CYB5R4: variants seen among roughly 807,000 people sequenced by gnomAD.
CYB5R4 encodes the protein cytochrome b5 reductase 4, also known as N-terminal cytochrome b5 and cytochrome b5 oxidoreductase domain-containing protein.
Under a neutral mutation model 70.2 loss-of-function variants are expected in CYB5R4, and 55 were observed. That is an observed-to-expected ratio of 0.78 (90% CI 0.63 to 0.98). The LOEUF is 0.98. CYB5R4 is among the 50% of genes least tolerant of loss of function. The probability of loss-of-function intolerance (pLI) is 0.00; values close to 1 mark genes in which losing one functional copy is unlikely to be tolerated. For missense variants in CYB5R4, 562 were observed against 612.6 expected (o/e 0.92, Z 0.87); for synonymous variants, 197 against 199.5 (o/e 0.99, Z 0.11).
chr6:83,936,147 A>C, intron 11 of CYB5R4, 77 bp from the exon 12 acceptor site: 1 of 1,097,382 alleles, frequency 9.1e-7, no homozygotes, highest in Non-Finnish European at 1.3e-6. Flanking sequence ...GATAGTGTCA[A>C]AATTTGGATG....
At chr6:83,864,407 G>A (rs1458467843) in intron 2 of CYB5R4, 79 bp downstream of exon 2, 3 of 1,292,286 alleles carry the variant, frequency 2.3e-6, no homozygotes, top group Non-Finnish European at 3.2e-6. Context: ...TCACAGTCAT[G>A]TTATTTTAAA....
At chr6:83,934,353 ACACT>A (rs774389674) in intron 10 of CYB5R4, among the ~76,000 whole-genome samples, 2 of 152,192 alleles carry the variant, frequency 1.3e-5, no homozygotes, top group East Asian at 1.9e-4. Flanking sequence ...TGAGGAAATA[ACACT>A]CATTAAGTTC....
intron 2 of CYB5R4, among the ~76,000 whole-genome samples, chr6:83,890,493 C>G (rs1488231968): frequency 6.6e-6 from 1 of 152,108 alleles, no homozygotes; most frequent in Admixed American, 6.6e-5. Flanking sequence ...GAGATGGAAT[C>G]TACTCTTGGT....
chr6:83,945,594 A>G (rs2099470451), intron 14 of CYB5R4, among the ~76,000 whole-genome samples: 2 of 152,218 alleles, frequency 1.3e-5, no homozygotes, highest in Non-Finnish European at 2.9e-5. Flanking sequence ...AAGGAGATAG[A>G]GACATGAAAA....
chr6:83,885,635 G>C (rs1219482730), intron 2 of CYB5R4, among the ~76,000 whole-genome samples: 1 of 152,114 alleles, frequency 6.6e-6, no homozygotes, highest in Non-Finnish European at 1.5e-5. Flanking sequence ...CTATCATATA[G>C]AGCTGGGTGT....
chr6:83,864,844 A>G (rs549190472), intron 2 of CYB5R4, among the ~76,000 whole-genome samples: 1 of 152,124 alleles, frequency 6.6e-6, no homozygotes, highest in Admixed American at 6.6e-5. Flanking sequence ...TGCATTAGAA[A>G]CTCCAAATTA....
chr6:83,876,704 G>T, intron 2 of CYB5R4, among the ~76,000 whole-genome samples: 1 of 151,400 alleles, frequency 6.6e-6, no homozygotes, highest in African/African-American at 2.4e-5. Flanking sequence ...TACTATTTTT[G>T]CTTTATACAG....
At chr6:83,917,621 A>T (rs918708834) in intron 5 of CYB5R4, among the ~76,000 whole-genome samples, 10 of 152,164 alleles carry the variant, frequency 6.6e-5, no homozygotes, top group Admixed American at 2.6e-4. Flanking sequence ...ATTATTTATC[A>T]TGCTTATTTC....
Position 83,859,744 on chromosome 6 carries a change from C to T in CYB5R4, c.-39C>T, listed in dbSNP as rs201598074. 3.3e-3 allele frequency: 5,253 copies of T among 1,605,240 alleles called. 12 individuals carry two copies. Among genetic ancestry groups the T allele is most frequent in the Non-Finnish European group, 3.9e-3 (4,619 of 1,174,710 alleles). On this transcript the variant is annotated 5_prime_UTR_variant, in exon 1 of 16. Coordinates refer to ENST00000369681, the MANE Select transcript of CYB5R4 (RefSeq NM_016230.4). ...GAGCTGGAGGTGCTGTCCCGTCTGG[C>T]GGCGATCCCCGGGCAGGGCCCGGGG...
At chr6:83,957,675 C>T (rs1021287417) in intron 15 of CYB5R4, among the ~76,000 whole-genome samples, 6 of 146,534 alleles carry the variant, frequency 4.1e-5, no homozygotes, top group Non-Finnish European at 1.5e-5. Flanking sequence ...GCTTTCTTTT[C>T]TCAGTTTTAC....
chr6:83,935,084 C>A (rs2099468721), intron 11 of CYB5R4, among the ~76,000 whole-genome samples: 1 of 152,112 alleles, frequency 6.6e-6, no homozygotes, highest in South Asian at 2.1e-4. Context: ...TGTCTCTTAG[C>A]AGCTACTTAG....
intron 4 of CYB5R4, among the ~76,000 whole-genome samples, chr6:83,910,642 G>A (rs1390707814): frequency 6.6e-6 from 1 of 152,178 alleles, no homozygotes; most frequent in Non-Finnish European, 1.5e-5. Context: ...ATAGAAAGAG[G>A]AATTTTGAAC....
At chr6:83,921,259 T>C (rs1367192907) in intron 8 of CYB5R4, 84 bp downstream of exon 8, 3 of 1,170,260 alleles carry the variant, frequency 2.6e-6, no homozygotes, top group Admixed American at 4.0e-5. Context: ...TAGGTAACTG[T>C]AATATTTTAT....
chr6:83,928,568 T>A (rs1443986381), intron 10 of CYB5R4, among the ~76,000 whole-genome samples: 2 of 152,142 alleles, frequency 1.3e-5, no homozygotes, highest in Admixed American at 6.5e-5. Context: ...ACTGGTTGCA[T>A]ATTGTGCCAA....
rs2099455729 is a variant in CYB5R4, at chr6:83,860,297, G to A, written c.75+440G>A. On this transcript the variant is annotated intron_variant, in intron 1 of 15. Transcript: ENST00000369681. ...CGCAGGAGGGAAAGGCTTGGCAGTG[G>A]CGACAGTGACCGTCCGTGCAAGGAT... Among the ~76,000 whole-genome samples, 5 of 152,100 alleles carry A rather than the reference G, an allele frequency of 3.3e-5. No individual in the cohort carries two copies. In the South Asian group the frequency reaches 1.0e-3, roughly 32 times the overall value.
Position 83,908,130 on chromosome 6 carries a change from C to T in CYB5R4, c.331-879C>T, listed in dbSNP as rs116739497. 2.7e-3 allele frequency among the ~76,000 whole-genome samples: 418 copies of T among 152,264 alleles called. 1 individual carries two copies. The highest frequency in any genetic ancestry group is 9.7e-3 in the African/African-American group (405 of 41,556). ...AAACATCCTCTTTTCTCCGCAACCT[C>T]GCCAACATCTGTTATTTTTTTACTT... On this transcript the variant is annotated intron_variant, in intron 3 of 15. Coordinates refer to ENST00000369681, the MANE Select transcript of CYB5R4 (RefSeq NM_016230.4).
chr6:83,901,703 T>TTG (rs1298680593), intron 3 of CYB5R4, among the ~76,000 whole-genome samples: 23 of 124,878 alleles, frequency 1.8e-4, no homozygotes, highest in Admixed American at 5.8e-4. Context: ...CTATTATTTC[T>TTG]TGTTTTTTTT....
intron 2 of CYB5R4, among the ~76,000 whole-genome samples, chr6:83,888,104 A>C (rs1456504143): frequency 6.6e-6 from 1 of 152,156 alleles, no homozygotes; most frequent in Non-Finnish European, 1.5e-5. Flanking sequence ...TTTAGTGAGT[A>C]ATTGGATGCT....
chr6:83,942,814 G>C (rs2099469968), intron 14 of CYB5R4, among the ~76,000 whole-genome samples: 1 of 152,014 alleles, frequency 6.6e-6, no homozygotes, highest in Non-Finnish European at 1.5e-5. Context: ...TTGAGTAGGT[G>C]GTTTTCCACT....
Sources: allele counts gnomAD v4.1 joint callset (sites outside exome capture counted in the v4.1 genomes callset), GRCh38; gene constraint gnomAD v4.1.1; transcripts MANE v1.5; gene names NCBI Gene and HGNC (gene_info 2026-07-23, HGNC 2026-07-21).